PRDM6: variants seen among roughly 807,000 people sequenced by gnomAD.
PRDM6 encodes PR/SET domain 6.
PRDM6 carries 25 observed loss-of-function variants against 60.8 expected under a neutral mutation model. The ratio of observed to expected loss-of-function variants is 0.41; its 90% CI spans 0.30 to 0.57. The LOEUF (loss-of-function observed/expected upper bound fraction) is 0.57. PRDM6 is among the 20% of genes least tolerant of loss of function. The probability of loss-of-function intolerance (pLI) is 0.27; values close to 1 mark genes in which losing one functional copy is unlikely to be tolerated. For synonymous variants in PRDM6, 407 were observed against 357.4 expected (o/e 1.14, Z -1.57); for missense variants, 839 against 821.3 (o/e 1.02, Z -0.26).
chr5:123,142,811 T>A (rs2126861916), intron 3 of PRDM6, among the ~76,000 whole-genome samples: 1 of 141,120 alleles, frequency 7.1e-6, no homozygotes, highest in East Asian at 2.1e-4. Flanking sequence ...TGGTCAGGGA[T>A]TTAGGTAAAA....
At chr5:123,136,417 A>G (rs549779247) in intron 3 of PRDM6, among the ~76,000 whole-genome samples, 28 of 152,292 alleles carry the variant, frequency 1.8e-4, no homozygotes, top group African/African-American at 6.3e-4. Flanking sequence ...CTGTTTTGCA[A>G]AGTAGACACC....
chr5:123,159,042 A>G (rs1203042561), intron 4 of PRDM6, among the ~76,000 whole-genome samples: 1 of 152,152 alleles, frequency 6.6e-6, no homozygotes, highest in Non-Finnish European at 1.5e-5. Context: ...TATTTCCCTG[A>G]GTCCTTATAT....
intron 3 of PRDM6, among the ~76,000 whole-genome samples, chr5:123,118,690 G>A (rs1054141314): frequency 6.6e-6 from 1 of 152,202 alleles, no homozygotes; most frequent in Non-Finnish European, 1.5e-5. Flanking sequence ...GTGTTGTAAT[G>A]TCTTACATTT....
intron 3 of PRDM6, among the ~76,000 whole-genome samples, chr5:123,120,395 G>A (rs1273802647): frequency 6.6e-6 from 1 of 152,194 alleles, no homozygotes; most frequent in Non-Finnish European, 1.5e-5. Flanking sequence ...CTATCCTCTG[G>A]AGGCAGCGTC....
At position 123,112,977 on chromosome 5, in the gene PRDM6, A is replaced by G. The variant is rs369143310; in HGVS notation, c.900+13016A>G. On this transcript the variant is annotated intron_variant, in intron 3 of 7. Coordinates refer to ENST00000407847, the MANE Select transcript of PRDM6 (RefSeq NM_001136239.4). The stretch of plus-strand genomic sequence containing the variant: ...TAGCTGATTGTTAAACATTAGCTAA[A>G]ATGGATCTTTTCCTGAAACAGTGTT... 3.0e-4 allele frequency among the ~76,000 whole-genome samples: 46 copies of G among 152,140 alleles called. 1 individual carries two copies. The South Asian group carries it at 9.3e-3, about 31-fold the overall frequency.
intron 3 of PRDM6, among the ~76,000 whole-genome samples, chr5:123,101,353 G>T (rs778663493): frequency 6.6e-6 from 1 of 152,146 alleles, no homozygotes; most frequent in Non-Finnish European, 1.5e-5. Flanking sequence ...AAATGAGGAC[G>T]TGGAAGCCAA....
At chr5:123,160,404 C>T (rs1226565304) in intron 5 of PRDM6, among the ~76,000 whole-genome samples, 2 of 152,244 alleles carry the variant, frequency 1.3e-5, no homozygotes, top group African/African-American at 2.4e-5. Flanking sequence ...CAGTGAGAAA[C>T]ACTGGTTTCA....
At chr5:123,152,733 A>T (rs1269209264) in intron 3 of PRDM6, among the ~76,000 whole-genome samples, 2 of 152,062 alleles carry the variant, frequency 1.3e-5, no homozygotes, top group Non-Finnish European at 2.9e-5. Context: ...TGCATAATTT[A>T]CTCCTGCTGC....
At chr5:123,124,380 T>C (rs1764648573) in intron 3 of PRDM6, among the ~76,000 whole-genome samples, 2 of 152,220 alleles carry the variant, frequency 1.3e-5, no homozygotes, top group Admixed American at 1.3e-4. Context: ...ACACTTCATA[T>C]AGTGCTTTAA....
In PRDM6 at chr5:123,170,575, G is replaced by A. The variant is rs1421813948; in HGVS notation, c.1154-191G>A. 2.0e-5 allele frequency among the ~76,000 whole-genome samples: 3 copies of A among 152,158 alleles called. No homozygotes were observed. In the East Asian group the frequency reaches 5.8e-4, roughly 29 times the overall value. ...GAGCATACAGTTGCTTCATAAATAG[G>A]CATCAGATGAGTTATTAATCTGTGA... is the stretch of plus-strand genomic sequence containing the variant. On this transcript the variant is annotated intron_variant, in intron 5 of 7. Transcript: ENST00000407847.
intron 4 of PRDM6, among the ~76,000 whole-genome samples, chr5:123,157,884 C>A (rs528517293): frequency 6.6e-6 from 1 of 152,334 alleles, no homozygotes; most frequent in African/African-American, 2.4e-5. Context: ...TGTTCCACTT[C>A]AACTGCGTTG....
intron 3 of PRDM6, among the ~76,000 whole-genome samples, chr5:123,151,323 C>T (rs555550862): frequency 1.3e-5 from 2 of 152,154 alleles, no homozygotes; most frequent in Non-Finnish European, 2.9e-5. Context: ...ACTTCCCCCT[C>T]CCCATGCTGA....
intron 5 of PRDM6, among the ~76,000 whole-genome samples, chr5:123,170,302 C>A (rs1765856317): frequency 6.6e-6 from 1 of 152,198 alleles, no homozygotes; most frequent in Non-Finnish European, 1.5e-5. Flanking sequence ...TCCTGGATAC[C>A]TATCCTGTGC....
intron 3 of PRDM6, among the ~76,000 whole-genome samples, chr5:123,113,833 C>T (rs1453482125): frequency 6.6e-6 from 1 of 152,152 alleles, no homozygotes; most frequent in African/African-American, 2.4e-5. Flanking sequence ...TGGCTCAGGC[C>T]CTTGACATGG....
chr5:123,096,789 G>A (rs1763969297), intron 2 of PRDM6, among the ~76,000 whole-genome samples: 1 of 152,198 alleles, frequency 6.6e-6, no homozygotes, highest in African/African-American at 2.4e-5. Flanking sequence ...ACAATAAGTT[G>A]AAGACGGCTT....
intron 3 of PRDM6, among the ~76,000 whole-genome samples, chr5:123,131,980 T>A (rs947132610): frequency 6.6e-6 from 1 of 152,194 alleles, no homozygotes; most frequent in African/African-American, 2.4e-5. Flanking sequence ...TAATAGTATC[T>A]GTTCCATAAA....
At chr5:123,179,306 A>G (rs542602165) in intron 6 of PRDM6, among the ~76,000 whole-genome samples, 2 of 152,202 alleles carry the variant, frequency 1.3e-5, no homozygotes, top group South Asian at 4.1e-4. Context: ...ATCCTTCTGC[A>G]AGCACAATGA....
intron 3 of PRDM6, among the ~76,000 whole-genome samples, chr5:123,114,965 G>A (rs552400628): frequency 7.2e-5 from 11 of 152,322 alleles, no homozygotes; most frequent in African/African-American, 1.9e-4. Context: ...AGGACAGGAC[G>A]TGGCTGGAGA....
At chr5:123,167,452 C>T (rs1447242343) in intron 5 of PRDM6, among the ~76,000 whole-genome samples, 3 of 151,722 alleles carry the variant, frequency 2.0e-5, no homozygotes, top group South Asian at 2.1e-4. Context: ...TGCAATGGCA[C>T]GGTCTCGGCT....
Sources: gnomAD v4.1 joint callset for allele counts (sites outside exome capture counted in the v4.1 genomes callset) on GRCh38, gnomAD v4.1.1 for gene constraint, MANE v1.5 for transcripts, NCBI Gene and HGNC (gene_info 2026-07-23, HGNC 2026-07-21) for gene names.